DLGAP2: variants seen among roughly 807,000 people sequenced by gnomAD.
DLGAP2 encodes disks large-associated protein 2.
Under a neutral mutation model 100.3 loss-of-function variants are expected in DLGAP2, and 26 were observed. That is an observed-to-expected ratio of 0.26 (90% CI 0.19 to 0.36). The LOEUF is 0.36. DLGAP2 is among the 10% of genes least tolerant of loss of function. The pLI, the probability that DLGAP2 is intolerant of heterozygous loss-of-function variation, is 1.00. For synonymous variants in DLGAP2, 886 were observed against 630.1 expected (o/e 1.41, Z -6.08); for missense variants, 1,858 against 1,453.2 (o/e 1.28, Z -4.53).
At chr8:1,000,641 A>G (rs1800928745) in intron 2 of DLGAP2, among the ~76,000 whole-genome samples, 1 of 152,152 alleles carries the variant, frequency 6.6e-6, no homozygotes, top group Middle Eastern at 3.2e-3. Context: ...CTCTGTTATT[A>G]CTTTTCCTCT....
chr8:1,648,151 A>C (rs1299457070), intron 8 of DLGAP2, among the ~76,000 whole-genome samples: 1 of 152,210 alleles, frequency 6.6e-6, no homozygotes, highest in Non-Finnish European at 1.5e-5. Flanking sequence ...GAAAATTTAC[A>C]GTTGATAAGC....
At chr8:1,209,214 A>T (rs962063911) in intron 2 of DLGAP2, among the ~76,000 whole-genome samples, 1 of 152,188 alleles carries the variant, frequency 6.6e-6, no homozygotes, top group South Asian at 2.1e-4. Context: ...AGCAAAAAGA[A>T]CGAATCTGGA....
At chr8:984,583 C>T (rs1031575284) in intron 2 of DLGAP2, among the ~76,000 whole-genome samples, 1 of 152,088 alleles carries the variant, frequency 6.6e-6, no homozygotes, top group Non-Finnish European at 1.5e-5. Flanking sequence ...GCAGGCCTGG[C>T]GCAGTAGTAA....
intron 1 of DLGAP2, among the ~76,000 whole-genome samples, chr8:900,303 G>T (rs1276274617): frequency 4.0e-5 from 6 of 150,768 alleles, no homozygotes; most frequent in Non-Finnish European, 8.9e-5. Context: ...CGGGCGGACG[G>T]TGGGCGCCCT....
intron 3 of DLGAP2, among the ~76,000 whole-genome samples, chr8:1,410,790 C>G (rs537288319): frequency 1.3e-5 from 2 of 151,858 alleles, no homozygotes; most frequent in Non-Finnish European, 2.9e-5. Flanking sequence ...CAGATTATGG[C>G]CACCTTTCCC....
intron 2 of DLGAP2, among the ~76,000 whole-genome samples, chr8:1,256,882 C>T (rs902033557): frequency 1.3e-5 from 2 of 152,138 alleles, no homozygotes; most frequent in African/African-American, 4.8e-5. Flanking sequence ...CCGCCTCCCT[C>T]CACAGGCCTT....
chr8:1,273,195 A>AG (rs1370552279), intron 3 of DLGAP2, among the ~76,000 whole-genome samples: 2 of 152,156 alleles, frequency 1.3e-5, no homozygotes, highest in Admixed American at 6.5e-5. Context: ...GTTAGTCTAC[A>AG]GGGGGGCCCT....
intron 2 of DLGAP2, among the ~76,000 whole-genome samples, chr8:1,226,652 T>A (rs941820557): frequency 6.6e-6 from 1 of 152,098 alleles, no homozygotes; most frequent in Non-Finnish European, 1.5e-5. Context: ...AGGACCTGAG[T>A]AGATATTCTC....
chr8:1,032,287 G>A (rs775348010), intron 2 of DLGAP2, among the ~76,000 whole-genome samples: 1 of 152,188 alleles, frequency 6.6e-6, no homozygotes, highest in African/African-American at 2.4e-5. Flanking sequence ...GGCGGCCGGC[G>A]GGCAGCCTGG....
chr8:1,051,815 C>G (rs1247829752), intron 2 of DLGAP2, among the ~76,000 whole-genome samples: 2 of 152,052 alleles, frequency 1.3e-5, no homozygotes, highest in Non-Finnish European at 2.9e-5. Flanking sequence ...GCCTGGGCCC[C>G]TCAGGGCTTA....
chr8:1,412,099 C>T (rs998232100), intron 3 of DLGAP2, among the ~76,000 whole-genome samples: 1 of 152,272 alleles, frequency 6.6e-6, no homozygotes, highest in Admixed American at 6.5e-5. Flanking sequence ...GCCTCCAGGC[C>T]TCTCAAGCAT....
chr8:1,082,328 C>A (rs1803839397), intron 2 of DLGAP2, among the ~76,000 whole-genome samples: 1 of 152,118 alleles, frequency 6.6e-6, no homozygotes, highest in Non-Finnish European at 1.5e-5. Flanking sequence ...TCTTATTTTA[C>A]CCCGTTGAGT....
intron 3 of DLGAP2, among the ~76,000 whole-genome samples, chr8:1,342,603 C>T (rs956628792): frequency 2.0e-5 from 3 of 152,198 alleles, no homozygotes; most frequent in African/African-American, 7.2e-5. Context: ...CAAAGGCTGG[C>T]TGTGCACCGT....
At chr8:1,481,518 G>A (rs1346979500) in intron 3 of DLGAP2, among the ~76,000 whole-genome samples, 10 of 63,448 alleles carry the variant, frequency 1.6e-4, no homozygotes, top group East Asian at 9.7e-4. Flanking sequence ...TGCTTTTGTC[G>A]CCCAGGCTGG....
At chr8:1,615,969 A>G (rs1350051446) in intron 6 of DLGAP2, among the ~76,000 whole-genome samples, 1 of 152,254 alleles carries the variant, frequency 6.6e-6, no homozygotes, top group African/African-American at 2.4e-5. Flanking sequence ...GTAAGGTCTT[A>G]TGAATGATAT....
intron 3 of DLGAP2, among the ~76,000 whole-genome samples, chr8:1,320,303 C>T (rs1191058537): frequency 2.8e-4 from 43 of 152,084 alleles, no homozygotes; most frequent in Non-Finnish European, 4.4e-5. Flanking sequence ...AAGGTGGCAG[C>T]TACCAGGAGA....
intron 2 of DLGAP2, among the ~76,000 whole-genome samples, chr8:1,234,490 C>A (rs554740503): frequency 6.6e-6 from 1 of 152,278 alleles, no homozygotes; most frequent in South Asian, 2.1e-4. Context: ...CCTGTCTCCC[C>A]AGGATTAGGG....
chr8:1,625,331 G>T (rs1216054547), intron 6 of DLGAP2, among the ~76,000 whole-genome samples: 1 of 152,180 alleles, frequency 6.6e-6, no homozygotes, highest in Admixed American at 6.5e-5. Flanking sequence ...CAATAAAACT[G>T]GAAAGTGGTC....
chr8:1,196,731 C>T (rs1006215810), intron 2 of DLGAP2, among the ~76,000 whole-genome samples: 1 of 152,184 alleles, frequency 6.6e-6, no homozygotes, highest in Non-Finnish European at 1.5e-5. Context: ...CAGTGGGGCT[C>T]CAGTAGCTGC....
Sources: allele counts gnomAD v4.1 joint callset (sites outside exome capture counted in the v4.1 genomes callset), GRCh38; gene constraint gnomAD v4.1.1; transcripts MANE v1.5; gene names NCBI Gene and HGNC (gene_info 2026-07-23, HGNC 2026-07-21).